Variants in ARHGAP21 observed in about 807,000 individuals in gnomAD.
The protein encoded by ARHGAP21 is rho GTPase-activating protein 21.
Under a neutral mutation model 164.6 loss-of-function variants are expected in ARHGAP21, and 38 were observed. The ratio of observed to expected loss-of-function variants is 0.23; its 90% CI spans 0.18 to 0.30. The LOEUF (loss-of-function observed/expected upper bound fraction) is 0.30, where lower values mean the gene tolerates loss of function less well. ARHGAP21 is among the 10% of genes least tolerant of loss of function. The pLI is 1.00. For missense variants in ARHGAP21, 1,822 were observed against 2,370.7 expected (o/e 0.77, Z 4.81); for synonymous variants, 766 against 857.9 (o/e 0.89, Z 1.87).
Position 24,620,337 on chromosome 10 carries a change from C to T in ARHGAP21, c.1558G>A (p.Gly520Arg). 1 of 1,613,902 alleles carries T rather than the reference C, an allele frequency of 6.2e-7. No homozygotes were observed. The highest frequency in any genetic ancestry group is 1.1e-5 in the South Asian group (1 of 91,070). The change falls in exon 9 of 26, where the codon GGA (glycine) becomes AGA (arginine). Residue 520 changes from glycine (G) to arginine (R), a missense_variant. Gly to Arg is a moderately radical substitution (Grantham distance 125). This residue lies in a region of ARHGAP21 where 1,090 missense variants were observed against 1,378.9 expected (regional missense o/e 0.79). Coordinates refer to ENST00000396432, the MANE Select transcript of ARHGAP21 (RefSeq NM_020824.4). The stretch of plus-strand genomic sequence containing the variant: ...CACTTGTAAGTCTGTTTTTTCTCTC[C>T]ATTGGAATCAGGTATTGGAGTTCCA... ...NSGTPIPDSN[G>R]EKKQTYKWSG...
intron 4 of ARHGAP21, among the ~76,000 whole-genome samples, chr10:24,659,127 G>A (rs952199564): frequency 6.6e-6 from 1 of 152,122 alleles, no homozygotes; most frequent in Non-Finnish European, 1.5e-5. Flanking sequence ...AAACGGTTTG[G>A]CAGTTCCTCA....
At chr10:24,649,019 TTATG>T (rs1375974871) in intron 4 of ARHGAP21, among the ~76,000 whole-genome samples, 1 of 152,242 alleles carries the variant, frequency 6.6e-6, no homozygotes, top group East Asian at 1.9e-4. Flanking sequence ...TTGTGTGTGC[TTATG>T]TATGCATATG....
At chr10:24,607,631 C>T (rs1030757274) in intron 10 of ARHGAP21, 30 bp from the exon 11 acceptor site, 2 of 1,611,546 alleles carry the variant, frequency 1.2e-6, no homozygotes, top group African/African-American at 1.3e-5. Context: ...AATATTTAGA[C>T]ATTCACAAGT....
chr10:24,652,803 T>C (rs1355125691), intron 4 of ARHGAP21, among the ~76,000 whole-genome samples: 2 of 152,182 alleles, frequency 1.3e-5, no homozygotes, highest in African/African-American at 4.8e-5. Flanking sequence ...GGAACTCTCA[T>C]ACACTGTTGC....
At chr10:24,717,733 G>A (rs2132312420) in intron 2 of ARHGAP21, among the ~76,000 whole-genome samples, 1 of 152,192 alleles carries the variant, frequency 6.6e-6, no homozygotes, top group South Asian at 2.1e-4. Flanking sequence ...AAAGGAAATG[G>A]GAAGACAGAA....
chr10:24,603,507 T>G (rs915526459), intron 12 of ARHGAP21, among the ~76,000 whole-genome samples: 2 of 152,076 alleles, frequency 1.3e-5, no homozygotes, highest in Non-Finnish European at 2.9e-5. Context: ...TCTATTTTAA[T>G]GTAGGAAATA....
Position 24,597,625 on chromosome 10 carries a change from C to T in ARHGAP21, c.3198-42G>A, listed in dbSNP as rs1318586433. 11 of 1,607,434 alleles carry T rather than the reference C, an allele frequency of 6.8e-6. No homozygotes were observed. The South Asian group carries it at 1.0e-4, about 15-fold the overall frequency. On this transcript the variant is annotated intron_variant, in intron 15 of 25. Transcript: ENST00000396432. ...CATTTGTTAACAATTACAGTAATCC[C>T]CCTCTATCTATGGTTTCAGTTACCC...
At chr10:24,605,220 G>A (rs986961906) in intron 11 of ARHGAP21, among the ~76,000 whole-genome samples, 11 of 152,180 alleles carry the variant, frequency 7.2e-5, no homozygotes, top group African/African-American at 1.7e-4. Context: ...CCGATCACTT[G>A]CAGATCTCAA....
rs184361943 is a variant in ARHGAP21 at position 24,607,219 on chromosome 10, T to C, written c.2684+280A>G. 2.4e-4 allele frequency among the ~76,000 whole-genome samples: 36 copies of C among 152,328 alleles called. No homozygotes were observed. In the East Asian group the frequency reaches 6.9e-3, roughly 29 times the overall value. On this transcript the variant is annotated intron_variant, in intron 11 of 25. Coordinates refer to ENST00000396432, the MANE Select transcript of ARHGAP21 (RefSeq NM_020824.4). ...TATGATTTTATGTATAGAATAGCTC[T>C]AGAATTACACAAAAGAAAACAGTAA...
chr10:24,706,344 G>A (rs536401407), intron 2 of ARHGAP21, among the ~76,000 whole-genome samples: 1 of 151,926 alleles, frequency 6.6e-6, no homozygotes, highest in East Asian at 1.9e-4. Context: ...CAGATCATTA[G>A]ATTTATCACA....
intron 4 of ARHGAP21, among the ~76,000 whole-genome samples, chr10:24,664,274 C>T (rs183558571): frequency 9.8e-4 from 149 of 152,034 alleles, no homozygotes; most frequent in Non-Finnish European, 1.8e-3. Context: ...AGTATAGGAC[C>T]GGCCAGGTGC....
At chr10:24,662,052 A>G (rs1178899468) in intron 4 of ARHGAP21, among the ~76,000 whole-genome samples, 1 of 152,206 alleles carries the variant, frequency 6.6e-6, no homozygotes, top group Non-Finnish European at 1.5e-5. Context: ...AACCTCATTA[A>G]GCTTTGCAGG....
chr10:24,663,789 A>G (rs1839925432), intron 4 of ARHGAP21, among the ~76,000 whole-genome samples: 1 of 152,184 alleles, frequency 6.6e-6, no homozygotes, highest in Non-Finnish European at 1.5e-5. Flanking sequence ...TCAGCCTTCC[A>G]AAGTGCTGGG....
At chr10:24,712,165 C>T (rs1844897508) in intron 2 of ARHGAP21, among the ~76,000 whole-genome samples, 1 of 152,154 alleles carries the variant, frequency 6.6e-6, no homozygotes, top group African/African-American at 2.4e-5. Context: ...ATCTGCCTGC[C>T]TCAGCTTCCC....
chr10:24,702,254 C>T (rs1463473083), intron 2 of ARHGAP21, among the ~76,000 whole-genome samples: 1 of 148,852 alleles, frequency 6.7e-6, no homozygotes, highest in African/African-American at 2.5e-5. Flanking sequence ...CCTCAGCCTT[C>T]TGAGTAGCTG....
chr10:24,636,711 G>A (rs140179135), intron 4 of ARHGAP21, among the ~76,000 whole-genome samples: 80 of 152,264 alleles, frequency 5.3e-4, no homozygotes, highest in African/African-American at 1.7e-3. Context: ...TCTGAAAGAC[G>A]CCCTCCAAAG....
At chr10:24,664,254 C>T (rs190493721) in intron 4 of ARHGAP21, among the ~76,000 whole-genome samples, 354 of 152,206 alleles carry the variant, frequency 2.3e-3, no homozygotes, top group Middle Eastern at 6.8e-3. Context: ...TACAGCCCAC[C>T]GTCAATAACA....
intron 1 of ARHGAP21, chr10:24,722,811 TC>T (rs1337816692): frequency 6.6e-6 from 1 of 151,742 alleles, no homozygotes; most frequent in Non-Finnish European, 1.5e-5. Context: ...GCGGCTGTTT[TC>T]CTTGGCCCGC....
chr10:24,684,106 T>A (rs553085968), intron 2 of ARHGAP21, among the ~76,000 whole-genome samples: 49 of 151,966 alleles, frequency 3.2e-4, no homozygotes, highest in Middle Eastern at 3.4e-3. Flanking sequence ...GGCCAACGTA[T>A]CAAAACACCG....
Sources: gnomAD v4.1 joint callset for allele counts (sites outside exome capture counted in the v4.1 genomes callset) on GRCh38, gnomAD v4.1.1 for gene constraint, gnomAD v4.1.1 regional missense constraint, MANE v1.5 for transcripts, NCBI Gene and HGNC (gene_info 2026-07-23, HGNC 2026-07-21) for gene names.